The following NAALADL2 variants were observed in gnomAD, a reference collection of about 807,000 sequenced individuals.
The protein encoded by NAALADL2 is inactive N-acetylated-alpha-linked acidic dipeptidase-like protein 2.
A neutral mutation model predicts 87.2 loss-of-function variants in NAALADL2; 76 were observed. The observed-to-expected ratio is 0.87, with a 90% CI of 0.72 to 1.05. The LOEUF is 1.05. NAALADL2 is among the 50% of genes least tolerant of loss of function. The pLI is 0.00. For synonymous variants in NAALADL2, 354 were observed against 331.0 expected (o/e 1.07, Z -0.75); for missense variants, 1,089 against 945.8 (o/e 1.15, Z -1.99).
At chr3:174,706,812 T>C (rs893587530) in intron 2 of NAALADL2, among the ~76,000 whole-genome samples, 3 of 152,182 alleles carry the variant, frequency 2.0e-5, no homozygotes, top group Admixed American at 1.3e-4. Context: ...TTAATTTTTG[T>C]ATAAGGTGTA....
chr3:174,678,860 T>C (rs1727277568), intron 2 of NAALADL2, among the ~76,000 whole-genome samples: 1 of 152,218 alleles, frequency 6.6e-6, no homozygotes, highest in Admixed American at 6.5e-5. Context: ...ATCACAGACG[T>C]TGGTCAATTT....
intron 3 of NAALADL2, among the ~76,000 whole-genome samples, chr3:174,791,957 C>T (rs1320417020): frequency 6.6e-6 from 1 of 151,992 alleles, no homozygotes; most frequent in East Asian, 1.9e-4. Context: ...ACCTGTAATC[C>T]CAGCACTTTG....
At chr3:174,987,812 TTA>T (rs1246166898) in intron 1 of NAALADL2, among the ~76,000 whole-genome samples, 43 of 120,064 alleles carry the variant, frequency 3.6e-4, no homozygotes, top group Non-Finnish European at 4.8e-4. Flanking sequence ...ATATATATAA[TTA>T]TATATATATA....
intron 2 of NAALADL2, among the ~76,000 whole-genome samples, chr3:175,119,001 A>T (rs989048538): frequency 9.2e-5 from 14 of 151,762 alleles, no homozygotes; most frequent in African/African-American, 3.4e-4. Context: ...TCACAATTAA[A>T]ATATATTAAC....
chr3:175,721,340 A>G (rs1478958172), intron 11 of NAALADL2, among the ~76,000 whole-genome samples: 1 of 152,124 alleles, frequency 6.6e-6, no homozygotes, highest in Non-Finnish European at 1.5e-5. Context: ...CTCATTGTCT[A>G]GAAAACACAA....
rs150685037 is a variant in NAALADL2 at position 175,659,261 on chromosome 3, G to A, written c.1896+31875G>A. 1.6e-3 allele frequency among the ~76,000 whole-genome samples: 236 copies of A among 152,182 alleles called. 1 individual carries two copies. Among genetic ancestry groups the A allele is most frequent in the African/African-American group, 5.3e-3 (220 of 41,534 alleles). ...TGTTACGGCTTTATTTGAATTTCAT[G>A]TGAATACAAAGGGCAAAATGGGAAC... is the stretch of plus-strand genomic sequence containing the variant. On this transcript the variant is annotated intron_variant, in intron 11 of 13. Transcript: ENST00000454872.
At chr3:175,215,604 G>T (rs2109305662) in intron 2 of NAALADL2, among the ~76,000 whole-genome samples, 1 of 152,222 alleles carries the variant, frequency 6.6e-6, no homozygotes, top group Non-Finnish European at 1.5e-5. Flanking sequence ...GAGGATCCTG[G>T]CCTCAGAAAT....
rs866729400 is a variant in NAALADL2, at chr3:175,148,140, C to T, written c.545+50849C>T. On this transcript the variant is annotated intron_variant, in intron 2 of 13. Transcript: ENST00000454872. ...AATAATAATAAAATAATAATAATAG[C>T]CATTCTGACTGGTATGAAATGCTAT... Among the ~76,000 whole-genome samples, 108 of 146,376 alleles carry T rather than the reference C, an allele frequency of 7.4e-4. 1 individual carries two copies. Among genetic ancestry groups the T allele is most frequent in the African/African-American group, 9.7e-4 (39 of 40,296 alleles).
At chr3:175,580,571 G>T (rs770863821) in intron 10 of NAALADL2, among the ~76,000 whole-genome samples, 1 of 150,654 alleles carries the variant, frequency 6.6e-6, no homozygotes, top group Non-Finnish European at 1.5e-5. Flanking sequence ...CTGTGTATAC[G>T]TTCTACTGAT....
intron 9 of NAALADL2, among the ~76,000 whole-genome samples, chr3:175,531,296 G>A (rs758724077): frequency 6.6e-6 from 1 of 151,942 alleles, no homozygotes; most frequent in Non-Finnish European, 1.5e-5. Context: ...GTCATAGGAG[G>A]GGCCAAATGC....
chr3:175,101,740 G>C (rs185516050), intron 2 of NAALADL2, among the ~76,000 whole-genome samples: 67 of 152,230 alleles, frequency 4.4e-4, no homozygotes, highest in Admixed American at 1.9e-3. Flanking sequence ...AATTAATGAG[G>C]TTTAGTTTAT....
chr3:175,023,565 G>A (rs997911287), intron 1 of NAALADL2, among the ~76,000 whole-genome samples: 3 of 151,906 alleles, frequency 2.0e-5, no homozygotes, highest in South Asian at 2.1e-4. Flanking sequence ...TCATGGTTTC[G>A]AGGGGCTATG....
chr3:175,572,285 C>T (rs1718194483), intron 9 of NAALADL2, among the ~76,000 whole-genome samples: 4 of 151,998 alleles, frequency 2.6e-5, no homozygotes, highest in Admixed American at 1.3e-4. Context: ...TATATGCTAT[C>T]CCCTCTCCAT....
chr3:175,640,934 A>T (rs11926998), intron 11 of NAALADL2, among the ~76,000 whole-genome samples: 41,704 of 152,082 alleles, frequency 0.27, 6,781 homozygotes, highest in African/African-American at 0.46. Context: ...CATAGATGCA[A>T]CACTAAATTG....
intron 4 of NAALADL2, among the ~76,000 whole-genome samples, chr3:175,319,357 A>AG (rs58826047): frequency 0.22 from 34,084 of 152,230 alleles, 3,913 homozygotes; most frequent in African/African-American, 0.26. Context: ...AAAAATTGGA[A>AG]GAGCATTTTT....
intron 9 of NAALADL2, among the ~76,000 whole-genome samples, chr3:175,507,731 A>G (rs1172492710): frequency 6.6e-6 from 1 of 152,082 alleles, no homozygotes; most frequent in East Asian, 1.9e-4. Flanking sequence ...GCTATTAGGC[A>G]TTATTAATGC....
At chr3:175,412,650 A>G (rs1713745522) in intron 5 of NAALADL2, among the ~76,000 whole-genome samples, 1 of 152,038 alleles carries the variant, frequency 6.6e-6, no homozygotes, top group East Asian at 1.9e-4. Flanking sequence ...ATTCTCATTA[A>G]CGAATCAGTT....
At chr3:174,530,876 G>C (rs1310448128) in intron 1 of NAALADL2, among the ~76,000 whole-genome samples, 1 of 152,178 alleles carries the variant, frequency 6.6e-6, no homozygotes, top group African/African-American at 2.4e-5. Flanking sequence ...TACACACACA[G>C]AAAGTAGGAA....
intron 3 of NAALADL2, among the ~76,000 whole-genome samples, chr3:174,771,479 G>A (rs6770161): frequency 0.25 from 38,776 of 152,096 alleles, 5,130 homozygotes; most frequent in East Asian, 0.4. Flanking sequence ...AGGTACAAAG[G>A]CATACAAGAG....
Sources: gnomAD v4.1 joint callset for allele counts (sites outside exome capture counted in the v4.1 genomes callset) on GRCh38, gnomAD v4.1.1 for gene constraint, MANE v1.5 for transcripts, NCBI Gene and HGNC (gene_info 2026-07-23, HGNC 2026-07-21) for gene names.